Variants in NTN4 observed in about 807,000 individuals in gnomAD.
The protein encoded by NTN4 is netrin 4.
NTN4 carries 32 observed loss-of-function variants against 73.6 expected under a neutral mutation model. The observed-to-expected ratio is 0.44, with a 90% CI of 0.33 to 0.58. The LOEUF (loss-of-function observed/expected upper bound fraction) is 0.58. NTN4 is among the 20% of genes least tolerant of loss of function. The pLI is 0.04. For missense variants in NTN4, 654 were observed against 798.3 expected (o/e 0.82, Z 2.18); for synonymous variants, 258 against 287.5 (o/e 0.90, Z 1.04).
chr12:95,702,237 G>A (rs968278330), intron 5 of NTN4, among the ~76,000 whole-genome samples: 2 of 147,188 alleles, frequency 1.4e-5, no homozygotes, highest in African/African-American at 2.5e-5. Flanking sequence ...CCAAGATTGC[G>A]CCATTGCACT....
At chr12:95,785,040 G>A (rs1386575248) in intron 2 of NTN4, among the ~76,000 whole-genome samples, 1 of 152,196 alleles carries the variant, frequency 6.6e-6, no homozygotes, top group Non-Finnish European at 1.5e-5. Context: ...TTTGCTAAAT[G>A]AGCATGCCTG....
intron 3 of NTN4, 48 bp from the exon 4 acceptor site, chr12:95,713,386 A>C: frequency 6.6e-7 from 1 of 1,512,820 alleles, no homozygotes. Context: ...GTCGCCAAAG[A>C]AGAACAGAAC....
chr12:95,693,871 C>T (rs1442110074), intron 5 of NTN4, among the ~76,000 whole-genome samples: 1 of 151,754 alleles, frequency 6.6e-6, no homozygotes, highest in Non-Finnish European at 1.5e-5. Flanking sequence ...AGAGTCACAG[C>T]GGTCAACCTG....
intron 4 of NTN4, among the ~76,000 whole-genome samples, chr12:95,712,709 C>G (rs756593190): frequency 6.6e-5 from 10 of 151,016 alleles, no homozygotes; most frequent in Non-Finnish European, 1.2e-4. Flanking sequence ...TCAAGTGATT[C>G]TTGTGCCTCA....
chr12:95,738,225 G>T, intron 2 of NTN4, 81 bp from the exon 3 acceptor site: 1 of 1,265,430 alleles, frequency 7.9e-7, no homozygotes, highest in Non-Finnish European at 1.1e-6. Flanking sequence ...GTCCCTGTTT[G>T]ATTTATGCCT....
intron 5 of NTN4, among the ~76,000 whole-genome samples, chr12:95,686,848 T>C (rs2078364870): frequency 6.6e-6 from 1 of 152,210 alleles, no homozygotes; most frequent in African/African-American, 2.4e-5. Context: ...CCAGTGCATC[T>C]TTTTAAAATA....
intron 2 of NTN4, among the ~76,000 whole-genome samples, chr12:95,775,226 C>A (rs1057429480): frequency 1.3e-5 from 2 of 152,286 alleles, no homozygotes; most frequent in East Asian, 3.9e-4. Flanking sequence ...TGAATAGGAA[C>A]AGCTCCAGTC....
chr12:95,658,139 G>A lies in NTN4; in HGVS notation c.*947C>T, dbSNP rs981948671. On this transcript the variant is annotated 3_prime_UTR_variant, in exon 10 of 10. Transcript: ENST00000343702. The stretch of plus-strand genomic sequence containing the variant: ...TTCAATGTTCAGGTTTAAATACTAA[G>A]CACAAAAATATAACAAATTCTGTGT... 2 of 152,136 alleles carry A rather than the reference G, an allele frequency of 1.3e-5. No homozygotes were observed. The highest frequency in any genetic ancestry group is 3.8e-4 in the East Asian group (2 of 5,196). 9.4% of individuals were successfully genotyped at this position (152,136 alleles called of 1,614,324 possible).
chr12:95,760,737 G>A (rs1376304288), intron 2 of NTN4, among the ~76,000 whole-genome samples: 1 of 151,398 alleles, frequency 6.6e-6, no homozygotes, highest in Non-Finnish European at 1.5e-5. Flanking sequence ...GAAAGAAGAG[G>A]GGGGCAGTCA....
chr12:95,790,370 G>C lies in NTN4; in HGVS notation c.-61C>G. The C allele has an allele frequency of 2.2e-6, 3 of 1,395,286 alleles. No individual in the cohort carries two copies. The highest frequency in any genetic ancestry group is 2.9e-5 in the East Asian group (1 of 34,210). The allele number at this position is 1,395,286 out of a possible 1,614,324, so 86.4% of individuals were successfully genotyped here. ...GTGCCGGAGGGAGCCGAGACCTCTG[G>C]GCTGCGGGATGAAGCGCCGCCGTCC... On this transcript the variant is annotated 5_prime_UTR_variant, in exon 1 of 10. Transcript: ENST00000343702. The surrounding 1 kb of genome is among the most constrained non-coding windows in gnomAD (Gnocchi z 6.5).
In NTN4 at chr12:95,697,643, T is replaced by C. The variant is rs540771343; in HGVS notation, c.1180+12798A>G. Among the ~76,000 whole-genome samples, 26 of 151,806 alleles carry C rather than the reference T, an allele frequency of 1.7e-4. No individual in the cohort carries two copies. The East Asian group carries it at 1.9e-3, about 11-fold the overall frequency. On this transcript the variant is annotated intron_variant, in intron 5 of 9. Transcript: ENST00000343702. ...AAAGGCTTTTACTTTTTTTTTTTTT[T>C]CAAAAAAACTAGGTTCTTTAAAAAT... is the stretch of plus-strand genomic sequence containing the variant.
At chr12:95,778,836 A>T (rs2121291520) in intron 2 of NTN4, among the ~76,000 whole-genome samples, 1 of 152,352 alleles carries the variant, frequency 6.6e-6, no homozygotes, top group Non-Finnish European at 1.5e-5. Context: ...TCTGATACCA[A>T]AGCCTGGCAG....
chr12:95,675,657 G>C (rs1276675734), intron 7 of NTN4, among the ~76,000 whole-genome samples: 1 of 152,134 alleles, frequency 6.6e-6, no homozygotes, highest in Admixed American at 6.6e-5. Flanking sequence ...TTTTCAATTT[G>C]TTGATACTTC....
intron 7 of NTN4, among the ~76,000 whole-genome samples, chr12:95,679,100 T>C (rs1328111242): frequency 6.6e-6 from 1 of 152,216 alleles, no homozygotes; most frequent in Non-Finnish European, 1.5e-5. Context: ...GCTATCACTT[T>C]TTTCAAAATG....
intron 5 of NTN4, among the ~76,000 whole-genome samples, chr12:95,687,844 C>T (rs997816674): frequency 2.0e-5 from 3 of 152,104 alleles, no homozygotes; most frequent in Admixed American, 2.0e-4. Flanking sequence ...CATAGATGCC[C>T]TAATCAGCAT....
At chr12:95,711,949 AT>A (rs1592679618) in intron 4 of NTN4, among the ~76,000 whole-genome samples, 1 of 152,186 alleles carries the variant, frequency 6.6e-6, no homozygotes, top group East Asian at 1.9e-4. Context: ...TTCTGACCAG[AT>A]TCATATCTTT....
chr12:95,683,689 T>A lies in NTN4; in HGVS notation c.1203A>T (p.Gly401=). The change falls in exon 6 of 10, where the codon GGA becomes GGT. Residue 401 remains glycine (G), a synonymous_variant. Transcript: ENST00000343702. ...ACKPCSCHPV[G]SAVLPANSVT... ...CTGAGTTGGCAGGAAGGACAGCTGA[T>A]CCTACTGGATGGCAGGAACACGCTA... 1 of 1,610,744 alleles carries A rather than the reference T, an allele frequency of 6.2e-7. No individual in the cohort carries two copies. Among genetic ancestry groups the A allele is most frequent in the African/African-American group, 1.3e-5 (1 of 74,954 alleles).
intron 2 of NTN4, among the ~76,000 whole-genome samples, chr12:95,770,344 C>G (rs2079048742): frequency 6.6e-6 from 1 of 152,112 alleles, no homozygotes; most frequent in Admixed American, 6.5e-5. Context: ...TCATGATCAT[C>G]AGAGAGGGAG....
chr12:95,763,850 T>C (rs1483425183), intron 2 of NTN4, among the ~76,000 whole-genome samples: 1 of 152,214 alleles, frequency 6.6e-6, no homozygotes, highest in Non-Finnish European at 1.5e-5. Flanking sequence ...GTGGAGACAG[T>C]AGCATGAGAC....
Sources: gnomAD v4.1 joint callset for allele counts (sites outside exome capture counted in the v4.1 genomes callset) on GRCh38, gnomAD v4.1.1 for gene constraint, Gnocchi (gnomAD v3.1) non-coding constraint, MANE v1.5 for transcripts, NCBI Gene and HGNC (gene_info 2026-07-23, HGNC 2026-07-21) for gene names.